The following WDR49 variants were observed in gnomAD, a reference collection of about 807,000 sequenced individuals.
WDR49 encodes the protein WD repeat domain 49, also known as cilia- and flagella-associated protein 337.
WDR49 carries 107 observed loss-of-function variants against 119.5 expected under a neutral mutation model. The observed-to-expected ratio is 0.90, with a 90% CI of 0.77 to 1.05. WDR49 has a LOEUF of 1.05. WDR49 is among the 50% of genes least tolerant of loss of function. The pLI is 0.00. For missense variants in WDR49, 1,240 were observed against 1,220.5 expected (o/e 1.02, Z -0.24); for synonymous variants, 425 against 418.8 (o/e 1.01, Z -0.18).
chr3:167,646,364 T>C (rs1399190853), intron 2 of WDR49, among the ~76,000 whole-genome samples: 1 of 152,254 alleles, frequency 6.6e-6, no homozygotes. Context: ...AAGGATCAGT[T>C]TGGCCTCTGG....
chr3:167,608,346 A>T (rs915181408), intron 5 of WDR49, among the ~76,000 whole-genome samples: 1 of 152,256 alleles, frequency 6.6e-6, no homozygotes, highest in Non-Finnish European at 1.5e-5. Flanking sequence ...CCAGAAAATT[A>T]CTTCGTCATG....
At chr3:167,528,097 C>A in intron 14 of WDR49, 80 bp from the exon 15 acceptor site, 1 of 1,232,084 alleles carries the variant, frequency 8.1e-7, no homozygotes, top group South Asian at 1.5e-5. Context: ...TAAAAAAAGG[C>A]CGATTTTCAA....
At chr3:167,647,163 C>G (rs1399879505) in intron 2 of WDR49, among the ~76,000 whole-genome samples, 1 of 152,152 alleles carries the variant, frequency 6.6e-6, no homozygotes, top group East Asian at 1.9e-4. Flanking sequence ...TCTGGCTAAG[C>G]TGATGCACTA....
intron 10 of WDR49, among the ~76,000 whole-genome samples, chr3:167,549,167 CT>C (rs1414300986): frequency 2.0e-5 from 3 of 152,134 alleles, no homozygotes; most frequent in Non-Finnish European, 4.4e-5. Flanking sequence ...GCGCATGTGT[CT>C]TTATAGCAGC....
chr3:167,505,459 G>T (rs1482592871), intron 16 of WDR49, 43 bp from the exon 17 acceptor site: 3 of 1,462,840 alleles, frequency 2.1e-6, no homozygotes, highest in South Asian at 1.4e-5. Context: ...ATTAACCACA[G>T]GGATGGAGAA....
chr3:167,626,763 G>T, intron 3 of WDR49, 89 bp downstream of exon 3: 1 of 1,065,870 alleles, frequency 9.4e-7, no homozygotes, highest in Non-Finnish European at 1.2e-6. Context: ...CAAGAGTAAT[G>T]CAGCTTTCTG....
chr3:167,530,392 C>A lies in WDR49; in HGVS notation c.2218+723G>T, dbSNP rs1203171903. Among the ~76,000 whole-genome samples the A allele has an allele frequency of 4.6e-5, 7 of 151,878 alleles. No homozygotes were observed. In the East Asian group the frequency reaches 1.4e-3, roughly 29 times the overall value. On this transcript the variant is annotated intron_variant, in intron 13 of 18. Transcript: ENST00000682715. ...AAAAAATATACATTATTCTCCAAGG[C>A]AGATTTTCATTTTGGAAAGATGCAG...
At chr3:167,514,218 T>G (rs1364729850) in intron 16 of WDR49, among the ~76,000 whole-genome samples, 1 of 152,082 alleles carries the variant, frequency 6.6e-6, no homozygotes, top group Non-Finnish European at 1.5e-5. Context: ...AGTAAAACAC[T>G]CCTCAGCAAA....
intron 16 of WDR49, among the ~76,000 whole-genome samples, chr3:167,518,769 T>C (rs1330527238): frequency 6.7e-6 from 1 of 150,342 alleles, no homozygotes; most frequent in Non-Finnish European, 1.5e-5. Flanking sequence ...TTGGCTTTTG[T>C]TGCCAAATGA....
At chr3:167,563,886 A>T (rs976810664) in intron 8 of WDR49, among the ~76,000 whole-genome samples, 1 of 152,228 alleles carries the variant, frequency 6.6e-6, no homozygotes, top group Non-Finnish European at 1.5e-5. Context: ...TTTTCTGAGC[A>T]GCTATTATAT....
At chr3:167,623,038 A>G (rs1716943666) in intron 3 of WDR49, among the ~76,000 whole-genome samples, 1 of 152,118 alleles carries the variant, frequency 6.6e-6, no homozygotes, top group African/African-American at 2.4e-5. Context: ...GATTAAATTA[A>G]TAGTCAAAAA....
chr3:167,559,070 A>T (rs984598631), intron 9 of WDR49, among the ~76,000 whole-genome samples: 15 of 152,132 alleles, frequency 9.9e-5, no homozygotes, highest in African/African-American at 2.9e-4. Flanking sequence ...TCATAGGCCA[A>T]CTTCTACTGA....
chr3:167,558,667 A>G (rs1174114393), intron 9 of WDR49, among the ~76,000 whole-genome samples: 1 of 152,152 alleles, frequency 6.6e-6, no homozygotes, highest in African/African-American at 2.4e-5. Context: ...ACCTTAAATA[A>G]TTTCCACAAG....
intron 8 of WDR49, among the ~76,000 whole-genome samples, chr3:167,562,070 G>C (rs1713298015): frequency 1.3e-5 from 2 of 152,232 alleles, no homozygotes; most frequent in African/African-American, 4.8e-5. Context: ...CAGCTCCAAA[G>C]AATATTGAGT....
intron 18 of WDR49, among the ~76,000 whole-genome samples, chr3:167,481,479 T>C (rs1750716763): frequency 6.6e-6 from 1 of 151,904 alleles, no homozygotes; most frequent in African/African-American, 2.4e-5. Flanking sequence ...AGAAAAAATA[T>C]ATAATAAAAT....
At chr3:167,639,137 A>G (rs9866161) in intron 2 of WDR49, among the ~76,000 whole-genome samples, 53,999 of 151,574 alleles carry the variant, frequency 0.36, 11,378 homozygotes, top group African/African-American at 0.6. Context: ...CCAGTGAAAT[A>G]GTGCAGCCAA....
chr3:167,570,411 A>G (rs2108279141), intron 8 of WDR49, among the ~76,000 whole-genome samples: 1 of 152,366 alleles, frequency 6.6e-6, no homozygotes, highest in East Asian at 1.9e-4. Context: ...AGAGGACAAA[A>G]GATATGCTAT....
At chr3:167,651,097 G>C (rs985132578) in intron 2 of WDR49, among the ~76,000 whole-genome samples, 5 of 152,112 alleles carry the variant, frequency 3.3e-5, no homozygotes, top group Non-Finnish European at 5.9e-5. Context: ...ATTTTATTCG[G>C]AAATACACGT....
intron 9 of WDR49, among the ~76,000 whole-genome samples, chr3:167,556,442 G>A (rs536893423): frequency 6.6e-6 from 1 of 152,280 alleles, no homozygotes; most frequent in East Asian, 1.9e-4. Flanking sequence ...AAGCAGTTCT[G>A]GTTAACCTAC....
Sources: allele counts gnomAD v4.1 joint callset (sites outside exome capture counted in the v4.1 genomes callset), GRCh38; gene constraint gnomAD v4.1.1; transcripts MANE v1.5; gene names NCBI Gene and HGNC (gene_info 2026-07-23, HGNC 2026-07-21).